Variants in MIX23 observed in about 807,000 individuals in gnomAD.
MIX23 encodes the protein protein MIX23.
In MIX23, 13 loss-of-function variants were observed where a neutral mutation model predicts 21.6. The ratio of observed to expected loss-of-function variants is 0.60; its 90% CI spans 0.39 to 0.96. MIX23 has a LOEUF of 0.96. Among genes scored for constraint, MIX23 ranks in the 40% least tolerant of loss-of-function variants. The pLI is 0.00. For synonymous variants in MIX23, 59 were observed against 58.0 expected, an observed-to-expected ratio of 1.02 and a Z score of -0.08; for missense variants, 144 against 171.2, an observed-to-expected ratio of 0.84 and a Z score of 0.89.
At chr3:122,365,827 G>A (rs1459128895) in intron 3 of MIX23, among the ~76,000 whole-genome samples, 4 of 152,096 alleles carry the variant, frequency 2.6e-5, no homozygotes, top group Non-Finnish European at 4.4e-5. Flanking sequence ...ACACCTTCAA[G>A]GGCGTTGAAA....
intron 1 of MIX23, among the ~76,000 whole-genome samples, chr3:122,372,807 G>A (rs1374192619): frequency 1.3e-5 from 2 of 151,702 alleles, no homozygotes; most frequent in African/African-American, 2.4e-5. Context: ...CTCCTGCCTG[G>A]GCAATAGTAA....
chr3:122,378,481 T>A (rs1009986480), intron 1 of MIX23, among the ~76,000 whole-genome samples: 2 of 152,212 alleles, frequency 1.3e-5, no homozygotes, highest in Non-Finnish European at 2.9e-5. Flanking sequence ...GGTGATTCTG[T>A]TGTGTGAACA....
At chr3:122,367,186 G>A (rs1411081108) in intron 3 of MIX23, among the ~76,000 whole-genome samples, 1 of 151,812 alleles carries the variant, frequency 6.6e-6, no homozygotes, top group Non-Finnish European at 1.5e-5. Context: ...GAGGGAGGGT[G>A]AAGAGAATGA....
chr3:122,374,038 A>G (rs1329275791), intron 1 of MIX23, among the ~76,000 whole-genome samples: 1 of 151,904 alleles, frequency 6.6e-6, no homozygotes, highest in Non-Finnish European at 1.5e-5. Flanking sequence ...GGAAGTCCAA[A>G]AAAAAAAATA....
chr3:122,373,592 G>A (rs889837816), intron 1 of MIX23, among the ~76,000 whole-genome samples: 1 of 152,138 alleles, frequency 6.6e-6, no homozygotes, highest in African/African-American at 2.4e-5. Context: ...ATTTTAAATA[G>A]TTGCGTTTAA....
chr3:122,369,603 A>G (rs561132042), intron 2 of MIX23, among the ~76,000 whole-genome samples: 1 of 152,252 alleles, frequency 6.6e-6, no homozygotes, highest in Admixed American at 6.5e-5. Flanking sequence ...GGATATAGAT[A>G]CAGAGAAAAA....
chr3:122,362,951 C>T lies in MIX23; in HGVS notation c.384+17G>A, dbSNP rs200634146. The T allele has an allele frequency of 4.0e-5, 65 of 1,609,892 alleles. No homozygotes were observed. The African/African-American group carries it at 8.4e-4, about 21-fold the overall frequency. On this transcript the variant is annotated intron_variant, in intron 4 of 4. Transcript: ENST00000291458. ...TTTCCCTCCTACTTCTTTCCAAACA[C>T]CAACATTATTTTATACCTTCCAGCT...
At chr3:122,371,613 T>C in intron 2 of MIX23, 62 bp downstream of exon 2, 2 of 1,568,064 alleles carry the variant, frequency 1.3e-6, no homozygotes, top group African/African-American at 1.4e-5. Flanking sequence ...AGATAACTGA[T>C]TTCTTATTCA....
At chr3:122,368,360 G>A (rs772072197) in intron 2 of MIX23, 38 bp from the exon 3 acceptor site, 1 of 1,517,016 alleles carries the variant, frequency 6.6e-7, no homozygotes, top group East Asian at 2.4e-5. Flanking sequence ...AAAAAAAACT[G>A]CATAAATTTA....
At chr3:122,364,946 A>C (rs2075386081) in intron 3 of MIX23, among the ~76,000 whole-genome samples, 1 of 152,188 alleles carries the variant, frequency 6.6e-6, no homozygotes, top group Non-Finnish European at 1.5e-5. Flanking sequence ...AAAGCCACCA[A>C]GGTAGGTGGG....
chr3:122,378,433 C>T (rs1440694091), intron 1 of MIX23, among the ~76,000 whole-genome samples: 2 of 152,190 alleles, frequency 1.3e-5, no homozygotes, highest in Admixed American at 6.5e-5. Flanking sequence ...TCATGTAGTG[C>T]TTAATGACAA....
intron 4 of MIX23, among the ~76,000 whole-genome samples, chr3:122,362,333 G>C (rs545763066): frequency 1.3e-5 from 2 of 152,278 alleles, no homozygotes; most frequent in African/African-American, 4.8e-5. Flanking sequence ...TGAACAAATA[G>C]CCTCCTTGAA....
chr3:122,368,011 T>C (rs1030605107), intron 3 of MIX23, 165 bp downstream of exon 3: 201 of 623,052 alleles, frequency 3.2e-4, no homozygotes, highest in Non-Finnish European at 1.8e-4. Flanking sequence ...AATTAATAAC[T>C]AAACATAATA....
At chr3:122,373,086 A>AG in intron 1 of MIX23, 1 of 374,010 alleles carries the variant, frequency 2.7e-6, no homozygotes, top group Non-Finnish European at 5.2e-6. Context: ...TAGAAAAGTT[A>AG]GAAAAAAACT....
At chr3:122,373,265 A>G (rs551807495) in intron 1 of MIX23, among the ~76,000 whole-genome samples, 1 of 150,584 alleles carries the variant, frequency 6.6e-6, no homozygotes, top group Non-Finnish European at 1.5e-5. Flanking sequence ...GTTGCTAGAA[A>G]TGTCTTGAAA....
intron 1 of MIX23, among the ~76,000 whole-genome samples, chr3:122,377,662 A>G (rs1263554390): frequency 6.6e-6 from 1 of 152,144 alleles, no homozygotes; most frequent in African/African-American, 2.4e-5. Flanking sequence ...CAGCCTGGGC[A>G]ACACAGTAAG....
chr3:122,380,619 T>G (rs2075523596), intron 1 of MIX23, among the ~76,000 whole-genome samples: 1 of 152,082 alleles, frequency 6.6e-6, no homozygotes, highest in Non-Finnish European at 1.5e-5. Context: ...AGGACAATAA[T>G]AAGAGACATG....
At chr3:122,383,044 A>T in intron 1 of MIX23, 130 bp downstream of exon 1, 1 of 1,260,426 alleles carries the variant, frequency 7.9e-7, no homozygotes, top group Non-Finnish European at 1.2e-6. Context: ...CATGACCTCC[A>T]ATGGCTCGAG....
At chr3:122,380,691 T>A (rs2075524677) in intron 1 of MIX23, among the ~76,000 whole-genome samples, 1 of 152,192 alleles carries the variant, frequency 6.6e-6, no homozygotes. Flanking sequence ...GAAGTTTATA[T>A]CTAGTCATAT....
Sources: gnomAD v4.1 joint callset for allele counts (sites outside exome capture counted in the v4.1 genomes callset) on GRCh38, gnomAD v4.1.1 for gene constraint, MANE v1.5 for transcripts, NCBI Gene and HGNC (gene_info 2026-07-23, HGNC 2026-07-21) for gene names.